Variants in HSD17B12 observed in about 807,000 individuals in gnomAD.
HSD17B12 encodes the protein very-long-chain 3-oxoacyl-CoA reductase.
Under a neutral mutation model 39.3 loss-of-function variants are expected in HSD17B12, and 32 were observed. That is an observed-to-expected ratio of 0.81 (90% confidence interval 0.61 to 1.09). HSD17B12 has a LOEUF of 1.09. HSD17B12 is among the 50% of genes least tolerant of loss of function. The pLI is 0.00. For missense variants in HSD17B12, 342 were observed against 382.9 expected (o/e 0.89, Z 0.89); for synonymous variants, 150 against 146.7 (o/e 1.02, Z -0.16).
At chr11:43,795,145 T>C (rs535294899) in intron 3 of HSD17B12, among the ~76,000 whole-genome samples, 32 of 152,220 alleles carry the variant, frequency 2.1e-4, no homozygotes, top group Non-Finnish European at 4.6e-4. Flanking sequence ...GTTAGAGGAT[T>C]CTTGTCCATT....
At chr11:43,584,416 C>G in the HSD17B12 span, 2 of 152,430 alleles carry the variant, frequency 1.3e-5, no homozygotes, top group African/African-American at 4.8e-5. Context: ...CTTGGTAGCT[C>G]TTGGCCCAGA....
At chr11:43,583,689 G>GT in the HSD17B12 span, among the ~76,000 whole-genome samples, 1 of 151,772 alleles carries the variant, frequency 6.6e-6, no homozygotes, top group Non-Finnish European at 1.5e-5. Flanking sequence ...GTGGGGGGGG[G>GT]TGCCTCTATG....
At chr11:43,700,767 G>A (rs1949956856) in intron 1 of HSD17B12, among the ~76,000 whole-genome samples, 1 of 152,082 alleles carries the variant, frequency 6.6e-6, no homozygotes, top group South Asian at 2.1e-4. Flanking sequence ...CCAAATCTTA[G>A]CTATTGTAAA....
chr11:43,666,852 C>G, the HSD17B12 span, among the ~76,000 whole-genome samples: 1 of 152,316 alleles, frequency 6.6e-6, no homozygotes, highest in African/African-American at 2.4e-5. Flanking sequence ...CCTAAGATCA[C>G]TCTTAAGAGT....
chr11:43,638,119 C>T, the HSD17B12 span, among the ~76,000 whole-genome samples: 1,673 of 152,222 alleles, frequency 0.011, 11 homozygotes, highest in South Asian at 0.023. Flanking sequence ...AGTCCAAATT[C>T]GGGTGCTTAT....
chr11:43,657,771 G>A, the HSD17B12 span, among the ~76,000 whole-genome samples: 1 of 152,214 alleles, frequency 6.6e-6, no homozygotes, highest in Non-Finnish European at 1.5e-5. Flanking sequence ...TGAGAGATCA[G>A]CTGTTAGTCT....
intron 1 of HSD17B12, among the ~76,000 whole-genome samples, chr11:43,713,042 C>T (rs1565059259): frequency 6.6e-6 from 1 of 152,138 alleles, no homozygotes; most frequent in Non-Finnish European, 1.5e-5. Context: ...ATGTTTTACT[C>T]ATTGAAGGCA....
chr11:43,799,928 G>A (rs994461675), intron 4 of HSD17B12, among the ~76,000 whole-genome samples: 1 of 152,010 alleles, frequency 6.6e-6, no homozygotes, highest in Non-Finnish European at 1.5e-5. Flanking sequence ...CCCATATACC[G>A]ACACCACTAC....
At chr11:43,655,157 C>A in the HSD17B12 span, among the ~76,000 whole-genome samples, 2 of 152,132 alleles carry the variant, frequency 1.3e-5, no homozygotes, top group Non-Finnish European at 2.9e-5. Flanking sequence ...ATTTTATTCT[C>A]TTTGAAGCAA....
chr11:43,752,656 G>C (rs768094896), intron 2 of HSD17B12, among the ~76,000 whole-genome samples: 2 of 151,968 alleles, frequency 1.3e-5, no homozygotes, highest in Non-Finnish European at 2.9e-5. Flanking sequence ...GGAGGTTGCA[G>C]TGAGCCGAGA....
At chr11:43,573,172 C>G in the HSD17B12 span, among the ~76,000 whole-genome samples, 1 of 152,180 alleles carries the variant, frequency 6.6e-6, no homozygotes, top group Admixed American at 6.5e-5. Flanking sequence ...TCACCTTGGA[C>G]AGGTTCCACA....
At chr11:43,687,153 A>G (rs1949808673) in intron 1 of HSD17B12, among the ~76,000 whole-genome samples, 1 of 152,228 alleles carries the variant, frequency 6.6e-6, no homozygotes, top group Admixed American at 6.5e-5. Context: ...TTTTAAAAAC[A>G]GTGCATCCTT....
intron 3 of HSD17B12, among the ~76,000 whole-genome samples, chr11:43,772,108 A>T (rs1156637797): frequency 1.3e-5 from 2 of 152,108 alleles, no homozygotes; most frequent in African/African-American, 2.4e-5. Context: ...CAACCTACAA[A>T]ATTTTATCTG....
At chr11:43,704,381 A>G (rs1427889284) in intron 1 of HSD17B12, among the ~76,000 whole-genome samples, 1 of 151,726 alleles carries the variant, frequency 6.6e-6, no homozygotes, top group Non-Finnish European at 1.5e-5. Flanking sequence ...CTAAATACTG[A>G]ACGAACCTTG....
At chr11:43,680,549 A>G (rs945749709), upstream of HSD17B12, 1 of 477,656 alleles carries the variant, frequency 2.1e-6, no homozygotes, top group Non-Finnish European at 3.8e-6. Flanking sequence ...GGGGTGAGAC[A>G]GGGCGCTCAC....
chr11:43,677,771 C>G (rs1284960676), upstream of HSD17B12, among the ~76,000 whole-genome samples: 1 of 152,156 alleles, frequency 6.6e-6, no homozygotes, highest in Admixed American at 6.5e-5. Flanking sequence ...AGGACATGAA[C>G]TCATCCTTTT....
At chr11:43,688,021 G>A (rs1372520416) in intron 1 of HSD17B12, among the ~76,000 whole-genome samples, 1 of 152,148 alleles carries the variant, frequency 6.6e-6, no homozygotes, top group Non-Finnish European at 1.5e-5. Flanking sequence ...AGACCAGCCT[G>A]GCCAACATGG....
At chr11:43,616,424 AC>A in the HSD17B12 span, among the ~76,000 whole-genome samples, 34,215 of 119,928 alleles carry the variant, frequency 0.29, 8,917 homozygotes, top group East Asian at 0.55. Context: ...AAAACAAAAA[AC>A]AAAAAAAAAA....
intron 6 of HSD17B12, among the ~76,000 whole-genome samples, chr11:43,828,141 CTTTT>C (rs551697407): frequency 7.6e-6 from 1 of 131,254 alleles, no homozygotes; most frequent in Non-Finnish European, 1.6e-5. Flanking sequence ...TTGTCTACTT[CTTTT>C]TTTTTTTTTT....
Sources: gnomAD v4.1 joint callset for allele counts (sites outside exome capture counted in the v4.1 genomes callset) on GRCh38, gnomAD v4.1.1 for gene constraint, MANE v1.5 for transcripts, NCBI Gene and HGNC (gene_info 2026-07-23, HGNC 2026-07-21) for gene names.